GRM8: variants seen among roughly 807,000 people sequenced by gnomAD.
GRM8 encodes metabotropic glutamate receptor 8.
Under a neutral mutation model 87.2 loss-of-function variants are expected in GRM8, and 47 were observed. That is an observed-to-expected ratio of 0.54 (90% CI 0.43 to 0.69). GRM8 has a LOEUF of 0.69. Ranked by LOEUF, GRM8 falls within the 30% of genes least tolerant of loss-of-function variation. GRM8 has a pLI of 0.00. For missense variants in GRM8, 1,019 were observed against 1,139.2 expected, an observed-to-expected ratio of 0.89 and a Z score of 1.52; for synonymous variants, 396 against 404.5, an observed-to-expected ratio of 0.98 and a Z score of 0.25.
At chr7:126,613,879 G>T (rs1799178721) in intron 7 of GRM8, among the ~76,000 whole-genome samples, 1 of 152,218 alleles carries the variant, frequency 6.6e-6, no homozygotes, top group Non-Finnish European at 1.5e-5. Context: ...AAGCAGCCCG[G>T]ATTCCCTCAA....
chr7:126,675,058 C>A (rs2896374), intron 7 of GRM8, among the ~76,000 whole-genome samples: 19,487 of 152,078 alleles, frequency 0.13, 1,902 homozygotes, highest in East Asian at 0.33. Flanking sequence ...AATTCTAACC[C>A]TAAATGTAAT....
At chr7:127,212,151 GT>G (rs1796245604) in intron 2 of GRM8, among the ~76,000 whole-genome samples, 1 of 152,138 alleles carries the variant, frequency 6.6e-6, no homozygotes, top group Non-Finnish European at 1.5e-5. Context: ...CTTTAGAGGT[GT>G]TTTTAAGGAC....
At chr7:126,586,360 C>G (rs1038606095) in intron 8 of GRM8, among the ~76,000 whole-genome samples, 3 of 152,150 alleles carry the variant, frequency 2.0e-5, no homozygotes, top group African/African-American at 7.2e-5. Context: ...AAAAAAGAGC[C>G]TGCATTGCCA....
Position 126,931,963 on chromosome 7 carries a change from C to T in GRM8, c.728-27280G>A, listed in dbSNP as rs181821354. ...TTCTCACAACAAATTCCAAAGCCCTCATTTTTCTACTTACTATGCTAATTA... is the reference window on the plus strand; with the variant it reads ...TTCTCACAACAAATTCCAAAGCCCTTATTTTTCTACTTACTATGCTAATTA... On this transcript the variant is annotated intron_variant, in intron 3 of 10. Coordinates refer to ENST00000339582, the MANE Select transcript of GRM8 (RefSeq NM_000845.3). Among the ~76,000 whole-genome samples the T allele has an allele frequency of 2.0e-3, 306 of 152,324 alleles. 1 individual carries two copies. Among genetic ancestry groups the T allele is most frequent in the African/African-American group, 7.1e-3 (295 of 41,572 alleles).
chr7:127,036,264 T>C (rs1024058738), intron 3 of GRM8, among the ~76,000 whole-genome samples: 2 of 152,222 alleles, frequency 1.3e-5, no homozygotes, highest in African/African-American at 4.8e-5. Flanking sequence ...ATACAACTAG[T>C]AAATCTCCCT....
chr7:126,724,192 G>A, intron 7 of GRM8, among the ~76,000 whole-genome samples: 1 of 152,104 alleles, frequency 6.6e-6, no homozygotes, highest in East Asian at 1.9e-4. Flanking sequence ...TTAGCTAATT[G>A]TTCACCAAAC....
chr7:127,114,978 G>A (rs1386529473), intron 2 of GRM8, among the ~76,000 whole-genome samples: 1 of 152,082 alleles, frequency 6.6e-6, no homozygotes, highest in East Asian at 1.9e-4. Flanking sequence ...GTCGAGGTTG[G>A]CAGTTGTTAC....
chr7:126,658,858 T>C (rs2151273179), intron 7 of GRM8, among the ~76,000 whole-genome samples: 1 of 152,106 alleles, frequency 6.6e-6, no homozygotes, highest in East Asian at 1.9e-4. Flanking sequence ...ACAGGTGTTT[T>C]GCCTGGCCGC....
At chr7:126,861,297 C>T (rs1798115501) in intron 6 of GRM8, among the ~76,000 whole-genome samples, 1 of 152,058 alleles carries the variant, frequency 6.6e-6, no homozygotes, top group African/African-American at 2.4e-5. Context: ...AGATATAGTG[C>T]ATTTATTTTA....
chr7:126,510,728 A>G (rs1811235105), intron 9 of GRM8, among the ~76,000 whole-genome samples: 1 of 29,514 alleles, frequency 3.4e-5, no homozygotes, highest in Admixed American at 3.0e-4. Flanking sequence ...GAACTGATGC[A>G]TTGGTTAGCA....
chr7:127,008,070 A>G (rs1340228632), intron 3 of GRM8, among the ~76,000 whole-genome samples: 1 of 152,024 alleles, frequency 6.6e-6, no homozygotes, highest in Non-Finnish European at 1.5e-5. Context: ...AATGAAACAA[A>G]GAAAGACAAG....
intron 2 of GRM8, among the ~76,000 whole-genome samples, chr7:127,132,816 C>T (rs1021979650): frequency 6.6e-6 from 1 of 151,998 alleles, no homozygotes; most frequent in African/African-American, 2.4e-5. Flanking sequence ...AGTGGATGAA[C>T]GGACAAGAGG....
chr7:126,993,041 GCTGA>G (rs746256023), intron 3 of GRM8, among the ~76,000 whole-genome samples: 10 of 152,198 alleles, frequency 6.6e-5, no homozygotes, highest in East Asian at 1.9e-4. Flanking sequence ...GGCATCCCAA[GCTGA>G]CTAAGACAGA....
chr7:127,208,499 T>C (rs1055471005), intron 2 of GRM8, among the ~76,000 whole-genome samples: 3 of 152,204 alleles, frequency 2.0e-5, no homozygotes, highest in African/African-American at 7.2e-5. Flanking sequence ...AAAGATCTTG[T>C]GATTTTTCCA....
chr7:126,818,083 A>C (rs1221829496), intron 6 of GRM8, among the ~76,000 whole-genome samples: 2 of 152,180 alleles, frequency 1.3e-5, no homozygotes. Flanking sequence ...AAATTAAACA[A>C]AAAATTATTA....
chr7:127,177,328 C>T (rs1163071987), intron 2 of GRM8, among the ~76,000 whole-genome samples: 1 of 152,226 alleles, frequency 6.6e-6, no homozygotes, highest in Non-Finnish European at 1.5e-5. Flanking sequence ...CCATCCTCCA[C>T]ATCAGCTGCA....
chr7:126,826,640 C>T (rs966063267), intron 6 of GRM8, among the ~76,000 whole-genome samples: 78 of 152,048 alleles, frequency 5.1e-4, no homozygotes, highest in African/African-American at 1.6e-3. Context: ...GAGTAGGTTG[C>T]GAAAATTTTC....
chr7:126,680,013 T>C (rs1354475083), intron 7 of GRM8, among the ~76,000 whole-genome samples: 1 of 145,710 alleles, frequency 6.9e-6, no homozygotes, highest in African/African-American at 2.6e-5. Flanking sequence ...CCTGGCAGCC[T>C]GGGCAAGAGA....
At chr7:126,560,510 T>C (rs1219833604) in intron 8 of GRM8, among the ~76,000 whole-genome samples, 1 of 152,132 alleles carries the variant, frequency 6.6e-6, no homozygotes, top group Non-Finnish European at 1.5e-5. Context: ...TGCATAGAGA[T>C]GAAATGAACC....
Sources: gnomAD v4.1 joint callset for allele counts (sites outside exome capture counted in the v4.1 genomes callset) on GRCh38, gnomAD v4.1.1 for gene constraint, MANE v1.5 for transcripts, NCBI Gene and HGNC (gene_info 2026-07-23, HGNC 2026-07-21) for gene names.